The following CCDC83 variants were observed in gnomAD, a reference collection of about 807,000 sequenced individuals.
CCDC83 encodes coiled-coil domain-containing protein 83.
Under a neutral mutation model 50.1 loss-of-function variants are expected in CCDC83, and 54 were observed. That is an observed-to-expected ratio of 1.08 (90% confidence interval 0.87 to 1.35). CCDC83 has a LOEUF of 1.35. CCDC83 is among the 40% of genes most tolerant of loss of function. CCDC83 has a pLI of 0.00. For missense variants in CCDC83, 518 were observed against 473.9 expected (o/e 1.09, Z -0.86); for synonymous variants, 161 against 153.3 (o/e 1.05, Z -0.37).
chr11:85,855,075 A>C (rs903076552), upstream of CCDC83: 5 of 152,252 alleles, frequency 3.3e-5, no homozygotes, highest in African/African-American at 1.2e-4. Flanking sequence ...GGGAGGGAGT[A>C]GGGAGGAGGA....
At chr11:85,892,165 G>C (rs979274912) in intron 5 of CCDC83, among the ~76,000 whole-genome samples, 1 of 152,200 alleles carries the variant, frequency 6.6e-6, no homozygotes, top group Non-Finnish European at 1.5e-5. Flanking sequence ...AGGGAAGGTG[G>C]AACAGTGCAA....
intron 4 of CCDC83, among the ~76,000 whole-genome samples, chr11:85,883,532 C>A (rs180995525): frequency 2.5e-4 from 38 of 152,234 alleles, no homozygotes; most frequent in Admixed American, 1.5e-3. Flanking sequence ...CATACTCTTG[C>A]TGTAGGCTTA....
rs144109835 is a variant in CCDC83, at chr11:85,911,725, C to T, written c.794+323C>T. ...TCATGAAAATAAGTACATAACAGTA[C>T]GGCAGAAGATAGAGGAGGTAGAGAG... On this transcript the variant is annotated intron_variant, in intron 8 of 10. Transcript: ENST00000342404. Among the ~76,000 whole-genome samples, 305 of 152,178 alleles carry T rather than the reference C, an allele frequency of 2.0e-3. 2 individuals carry two copies. The highest frequency in any genetic ancestry group is 0.014 in the Middle Eastern group (4 of 294).
intron 2 of CCDC83, among the ~76,000 whole-genome samples, chr11:85,870,547 G>A (rs1311583470): frequency 2.6e-5 from 4 of 151,966 alleles, no homozygotes; most frequent in African/African-American, 9.7e-5. Flanking sequence ...TAAGCTTTAG[G>A]TAAGAAGTCA....
At chr11:85,883,388 A>G (rs2093311202) in intron 4 of CCDC83, among the ~76,000 whole-genome samples, 1 of 151,936 alleles carries the variant, frequency 6.6e-6, no homozygotes, top group South Asian at 2.1e-4. Flanking sequence ...ACCATGAAAA[A>G]TGTTTCTCCC....
In CCDC83 at chr11:85,915,484, C is replaced by T; in HGVS notation, c.860C>T (p.Pro287Leu). The T allele has an allele frequency of 6.2e-7, 1 of 1,610,156 alleles. No individual in the cohort carries two copies. The highest frequency in any genetic ancestry group is 1.3e-5 in the African/African-American group (1 of 74,906). Residue 287 changes from proline (P) to leucine (L), a missense_variant, in exon 9 of 11, where the codon CCA (proline) becomes CTA (leucine). Transcript: ENST00000342404. ...CCTGAAGAAATGTCTTTGGAATTGC[C>T]AGAAACACATATAGGTATTACTTTA... Reference protein sequence around the residue: ...VPPEEMSLELPETHIEEKSEL... With the variant: ...VPPEEMSLELLETHIEEKSEL...
chr11:85,881,219 A>G (rs1170952698), intron 3 of CCDC83, among the ~76,000 whole-genome samples: 1 of 151,956 alleles, frequency 6.6e-6, no homozygotes. Flanking sequence ...AAATACAAAA[A>G]AAAATTAGCC....
intron 2 of CCDC83, 132 bp downstream of exon 2, chr11:85,865,350 T>C: frequency 9.3e-6 from 6 of 646,846 alleles, no homozygotes; most frequent in Non-Finnish European, 1.6e-5. Context: ...GGAGGCCTAA[T>C]TGCACTCTTG....
chr11:85,913,934 C>T (rs1243817229), intron 8 of CCDC83, among the ~76,000 whole-genome samples: 1 of 152,100 alleles, frequency 6.6e-6, no homozygotes, highest in African/African-American at 2.4e-5. Flanking sequence ...AGTAAACTAG[C>T]AATTAATAGA....
chr11:85,856,690 A>C (rs1055236380), intron 1 of CCDC83, among the ~76,000 whole-genome samples: 1 of 152,224 alleles, frequency 6.6e-6, no homozygotes, highest in African/African-American at 2.4e-5. Flanking sequence ...TGAAACTTGA[A>C]AATGTCACTC....
intron 4 of CCDC83, among the ~76,000 whole-genome samples, chr11:85,884,946 C>T (rs985806117): frequency 6.6e-5 from 10 of 152,304 alleles, no homozygotes; most frequent in South Asian, 6.2e-4. Flanking sequence ...CATGGTGACT[C>T]ATACCTGTAA....
intron 7 of CCDC83, among the ~76,000 whole-genome samples, chr11:85,904,839 G>C (rs1257047560): frequency 1.3e-5 from 2 of 152,260 alleles, no homozygotes. Context: ...CTATTTGACT[G>C]AGTATAGTGA....
At chr11:85,857,271 A>G (rs796777547) in intron 1 of CCDC83, among the ~76,000 whole-genome samples, 37 of 152,310 alleles carry the variant, frequency 2.4e-4, no homozygotes, top group African/African-American at 6.3e-4. Flanking sequence ...GGAGATGGCC[A>G]TCCTCATTGA....
At chr11:85,907,232 C>CT (rs906870973) in intron 7 of CCDC83, among the ~76,000 whole-genome samples, 2 of 151,954 alleles carry the variant, frequency 1.3e-5, no homozygotes, top group Admixed American at 6.6e-5. Flanking sequence ...ACATGATTAT[C>CT]TTTTTTTGTT....
chr11:85,860,180 T>C (rs2093167424), intron 1 of CCDC83, among the ~76,000 whole-genome samples: 1 of 151,550 alleles, frequency 6.6e-6, no homozygotes, highest in African/African-American at 2.4e-5. Context: ...CACGTGCCTG[T>C]AGTCCCAGCT....
At chr11:85,865,466 A>G (rs1394866220) in intron 2 of CCDC83, among the ~76,000 whole-genome samples, 2 of 152,274 alleles carry the variant, frequency 1.3e-5, no homozygotes, top group East Asian at 1.9e-4. Flanking sequence ...GAGAGCTGCT[A>G]TGAAACAGCT....
intron 10 of CCDC83, among the ~76,000 whole-genome samples, chr11:85,918,557 T>C (rs2093493429): frequency 6.6e-6 from 1 of 152,246 alleles, no homozygotes; most frequent in South Asian, 2.1e-4. Flanking sequence ...AGACTTCAAA[T>C]TCTGTTTGTT....
intron 8 of CCDC83, among the ~76,000 whole-genome samples, chr11:85,915,207 A>G (rs1360952415): frequency 6.6e-6 from 1 of 152,078 alleles, no homozygotes; most frequent in Non-Finnish European, 1.5e-5. Context: ...TTATTCTCAC[A>G]CTATGGTAAT....
At chr11:85,855,826 C>T (rs1201794515) in intron 1 of CCDC83, among the ~76,000 whole-genome samples, 1 of 152,200 alleles carries the variant, frequency 6.6e-6, no homozygotes, top group Non-Finnish European at 1.5e-5. Flanking sequence ...TCTTGCTTCT[C>T]TTAGTGCCTC....
Sources: allele counts gnomAD v4.1 joint callset (sites outside exome capture counted in the v4.1 genomes callset), GRCh38; gene constraint gnomAD v4.1.1; transcripts MANE v1.5; gene names NCBI Gene and HGNC (gene_info 2026-07-23, HGNC 2026-07-21).